RELN: variants seen among roughly 807,000 people sequenced by gnomAD.
RELN encodes the protein reelin.
In RELN, 108 loss-of-function variants were observed where a neutral mutation model predicts 427.6. That is an observed-to-expected ratio of 0.25 (90% CI 0.22 to 0.30). The LOEUF is 0.30. Ranked by LOEUF, RELN falls within the 10% of genes least tolerant of loss-of-function variation. The pLI, the probability that RELN is intolerant of heterozygous loss-of-function variation, is 1.00. For synonymous variants in RELN, 1,524 were observed against 1,513.4 expected (o/e 1.01, Z -0.16); for missense variants, 3,715 against 4,302.8 (o/e 0.86, Z 3.82).
At chr7:103,707,262 C>A (rs918931381) in intron 8 of RELN, among the ~76,000 whole-genome samples, 1 of 151,918 alleles carries the variant, frequency 6.6e-6, no homozygotes, top group Admixed American at 6.5e-5. Context: ...CAAAGATTAA[C>A]CTTCTAAAGA....
chr7:103,893,940 C>T (rs941809924), intron 2 of RELN, among the ~76,000 whole-genome samples: 1 of 152,136 alleles, frequency 6.6e-6, no homozygotes, highest in African/African-American at 2.4e-5. Flanking sequence ...CACTTATTCT[C>T]CTTCCTGTGT....
intron 7 of RELN, among the ~76,000 whole-genome samples, chr7:103,723,905 T>C (rs1562972473): frequency 6.6e-6 from 1 of 152,200 alleles, no homozygotes; most frequent in African/African-American, 2.4e-5. Context: ...CTTAGTTTCA[T>C]GCTTAAGAAG....
intron 2 of RELN, among the ~76,000 whole-genome samples, chr7:103,911,119 G>T (rs1435058461): frequency 6.9e-6 from 1 of 144,498 alleles, no homozygotes; most frequent in East Asian, 2.1e-4. Flanking sequence ...CAAAGGGCTA[G>T]TATCCAGAAT....
At chr7:103,906,688 A>G (rs3857819) in intron 2 of RELN, among the ~76,000 whole-genome samples, 16,173 of 152,204 alleles carry the variant, frequency 0.11, 1,304 homozygotes, top group East Asian at 0.34. Context: ...CTCCCATGCT[A>G]GTATATTTGA....
At chr7:103,841,202 T>A (rs1427510165) in intron 2 of RELN, among the ~76,000 whole-genome samples, 1 of 152,202 alleles carries the variant, frequency 6.6e-6, no homozygotes, top group Non-Finnish European at 1.5e-5. Context: ...GCATCCATTG[T>A]TACAAAATGT....
At chr7:103,609,101 T>C (rs1355321431) in intron 22 of RELN, among the ~76,000 whole-genome samples, 1 of 151,734 alleles carries the variant, frequency 6.6e-6, no homozygotes, top group Non-Finnish European at 1.5e-5. Flanking sequence ...GGCATGCCTG[T>C]AGTCCCAGCT....
chr7:103,826,064 T>C (rs1368815100), intron 3 of RELN, among the ~76,000 whole-genome samples: 1 of 150,298 alleles, frequency 6.7e-6, no homozygotes, highest in Non-Finnish European at 1.5e-5. Flanking sequence ...ACCTCAGGAA[T>C]GGGTTCCTGA....
chr7:103,909,910 A>C (rs1308230071), intron 2 of RELN, among the ~76,000 whole-genome samples: 2 of 141,882 alleles, frequency 1.4e-5, no homozygotes, highest in African/African-American at 2.7e-5. Flanking sequence ...CATTGAAAAT[A>C]ATCTGATAAT....
Position 103,563,721 on chromosome 7 carries a change from C to T in RELN, c.5210+1557G>A, listed in dbSNP as rs894333344. ...CCAGAGCAACTTCCAGTCCTGTAAG[C>T]TCTGTTTATCGGAAGTGCCCTATAC... On this transcript the variant is annotated intron_variant, in intron 34 of 64. Coordinates refer to ENST00000428762, the MANE Select transcript of RELN (RefSeq NM_005045.4). The surrounding 1 kb of genome is among the most constrained non-coding windows in gnomAD (Gnocchi z 4.1). 6.6e-6 allele frequency among the ~76,000 whole-genome samples: 1 copy of T among 152,092 alleles called. No homozygotes were observed. The highest frequency in any genetic ancestry group is 1.9e-4 in the East Asian group (1 of 5,192).
At chr7:103,571,365 G>A (rs1329298917) in intron 31 of RELN, among the ~76,000 whole-genome samples, 1 of 152,208 alleles carries the variant, frequency 6.6e-6, no homozygotes, top group Non-Finnish European at 1.5e-5. Context: ...AGAGCTCCCA[G>A]AGGCCACCTA....
intron 1 of RELN, among the ~76,000 whole-genome samples, chr7:103,963,104 A>G (rs1165523149): frequency 6.6e-6 from 1 of 150,400 alleles, no homozygotes; most frequent in Non-Finnish European, 1.5e-5. Flanking sequence ...TGCCTTAGAC[A>G]GGATTCTCTC....
In RELN at chr7:103,573,549, A is replaced by G. The variant is rs893593929; in HGVS notation, c.4511+543T>C. On this transcript the variant is annotated intron_variant, in intron 30 of 64. Transcript: ENST00000428762. The surrounding 1 kb of genome is among the most constrained non-coding windows in gnomAD (Gnocchi z 4.4). ...ACATTTTCTCTATTTCCTTTCTTCC[A>G]CTTCTCAAATAATTTAATTGCTCTT... 6.6e-6 allele frequency among the ~76,000 whole-genome samples: 1 copy of G among 152,242 alleles called. No homozygotes were observed. Among genetic ancestry groups the G allele is most frequent in the Non-Finnish European group, 1.5e-5 (1 of 68,038 alleles).
At chr7:103,777,564 C>T (rs1403791694) in intron 3 of RELN, among the ~76,000 whole-genome samples, 1 of 152,164 alleles carries the variant, frequency 6.6e-6, no homozygotes, top group Non-Finnish European at 1.5e-5. Context: ...TACTAGCTCA[C>T]GACAGGGCGA....
At chr7:103,607,997 C>A (rs1413813562) in intron 22 of RELN, among the ~76,000 whole-genome samples, 1 of 152,168 alleles carries the variant, frequency 6.6e-6, no homozygotes, top group Non-Finnish European at 1.5e-5. Context: ...CTAAGTTGCC[C>A]TATCTAGCAC....
At chr7:103,549,977 C>T (rs1426636239) in intron 41 of RELN, among the ~76,000 whole-genome samples, 1 of 152,232 alleles carries the variant, frequency 6.6e-6, no homozygotes, top group East Asian at 1.9e-4. Flanking sequence ...TCCAGAGACA[C>T]TCTTTGCCTC....
intron 10 of RELN, among the ~76,000 whole-genome samples, chr7:103,685,928 T>C (rs752225160): frequency 6.6e-6 from 1 of 152,148 alleles, no homozygotes; most frequent in Non-Finnish European, 1.5e-5. Flanking sequence ...TTTCTAAGGT[T>C]GCTCCCTATA....
intron 42 of RELN, among the ~76,000 whole-genome samples, chr7:103,544,866 T>C (rs1461365619): frequency 6.6e-6 from 1 of 152,066 alleles, no homozygotes; most frequent in Non-Finnish European, 1.5e-5. Context: ...AGAAATTACA[T>C]GTGGTAGAAA....
At chr7:103,540,594 C>T in intron 43 of RELN, 139 bp from the exon 44 acceptor site, 1 of 757,182 alleles carries the variant, frequency 1.3e-6, no homozygotes, top group Non-Finnish European at 2.2e-6. Context: ...CCAAAGCAAT[C>T]ACTTCAAAGT....
chr7:103,866,335 T>G (rs1794196814), intron 2 of RELN, among the ~76,000 whole-genome samples: 1 of 152,060 alleles, frequency 6.6e-6, no homozygotes. Flanking sequence ...CAGATTTGCT[T>G]TGCCTTTCTG....
Sources: allele counts gnomAD v4.1 joint callset (sites outside exome capture counted in the v4.1 genomes callset), GRCh38; gene constraint gnomAD v4.1.1; non-coding constraint Gnocchi (gnomAD v3.1); transcripts MANE v1.5; gene names NCBI Gene and HGNC (gene_info 2026-07-23, HGNC 2026-07-21).